CT55: variants seen among roughly 807,000 people sequenced by gnomAD.
CT55 encodes the protein cancer/testis antigen 55.
CT55 carries 1 observed loss-of-function variant against 12.6 expected under a neutral mutation model. The ratio of observed to expected loss-of-function variants is 0.08; its 90% CI spans 0.03 to 0.38. The LOEUF is 0.38. CT55 is among the 10% of genes least tolerant of loss of function. The pLI, the probability that CT55 is intolerant of heterozygous loss-of-function variation, is 0.99. For synonymous variants in CT55, 43 were observed against 49.7 expected, an observed-to-expected ratio of 0.87 and a Z score of 0.57; for missense variants, 109 against 135.4, an observed-to-expected ratio of 0.80 and a Z score of 0.97.
At chrX:135,170,962 G>C in intron 1 of CT55, 116 bp downstream of exon 1, 2 of 1,096,828 alleles carry the variant, frequency 1.8e-6, no homozygotes, top group South Asian at 5.1e-5. Flanking sequence ...GCACAAGATG[G>C]AGCCACCGTC....
At chrX:135,158,887 T>C (rs1556404643) in intron 3 of CT55, among the ~76,000 whole-genome samples, 2 of 112,639 alleles carry the variant, frequency 1.8e-5, no homozygotes, top group Non-Finnish European at 3.7e-5. Context: ...GTAGTAGTGG[T>C]AGCAGTACCG....
At chrX:135,165,856 C>T (rs140269356) in intron 2 of CT55, among the ~76,000 whole-genome samples, 3,789 of 108,398 alleles carry the variant, frequency 0.035, 61 homozygotes, top group African/African-American at 0.045. Context: ...TACAACCTAC[C>T]GAGATGTAAT....
Position 135,171,383 on chromosome X carries a change from G to C in CT55, c.-212C>G. 3.0e-6 allele frequency: 2 copies of C among 676,102 alleles called. No homozygotes were observed. The highest frequency in any genetic ancestry group is 4.1e-6 in the Non-Finnish European group (2 of 484,392). 55.7% of individuals were successfully genotyped at this position (676,102 alleles called of 1,213,427 possible). On this transcript the variant is annotated 5_prime_UTR_variant, in exon 1 of 6. Coordinates refer to ENST00000276241, the MANE Select transcript of CT55 (RefSeq NM_001031705.3). ...CTCCAAAGGAGCTCCCAGCTTCTCC[G>C]CTGACTTCTCCCTCTGAGCATGCGC...
intron 2 of CT55, among the ~76,000 whole-genome samples, chrX:135,161,870 C>T (rs1302254208): frequency 8.9e-6 from 1 of 112,543 alleles, no homozygotes. Flanking sequence ...GCATTAGCCT[C>T]CCATCCACAT....
chrX:135,166,006 T>G (rs1196456888), intron 2 of CT55, among the ~76,000 whole-genome samples: 1 of 39,743 alleles, frequency 2.5e-5, no homozygotes, highest in Non-Finnish European at 4.2e-5. Context: ...TAAAGAAGAA[T>G]AATTAATAGC....
At chrX:135,167,054 T>A (rs1188366118) in intron 2 of CT55, among the ~76,000 whole-genome samples, 1 of 112,048 alleles carries the variant, frequency 8.9e-6, no homozygotes, top group East Asian at 2.8e-4. Context: ...ATGCAACTGC[T>A]ATGAAAATAC....
At position 135,171,286 on chromosome X, in the gene CT55, TCTC is replaced by T. The variant is rs1443155797; in HGVS notation, c.-118_-116del. 1.8e-6 allele frequency: 2 copies of T among 1,120,878 alleles called. No homozygotes were observed. The highest frequency in any genetic ancestry group is 3.6e-5 in the African/African-American group (2 of 55,203). 92.4% of individuals were successfully genotyped at this position (1,120,878 alleles called of 1,213,427 possible). A position where few individuals can be genotyped will look rare whatever the true frequency, so the allele number is the denominator to read the frequency against. On this transcript the variant is annotated 5_prime_UTR_variant, in exon 1 of 6. Coordinates refer to ENST00000276241, the MANE Select transcript of CT55 (RefSeq NM_001031705.3). ...TCTCCTCAGGGACTCACTTCCTGCT[TCTC>T]CTCAGACACTGTGGCATGGGACCCA...
upstream of CT55, among the ~76,000 whole-genome samples, chrX:135,171,728 GT>G (rs782728717): frequency 1.5e-3 from 173 of 111,765 alleles, 1 homozygote; most frequent in African/African-American, 5.4e-3. Context: ...GCGGTCAATA[GT>G]TACTCCTCAC....
In CT55 at chrX:135,166,601, A is replaced by C. The variant is rs782777436; in HGVS notation, c.279+2993T>G. Among the ~76,000 whole-genome samples the C allele has an allele frequency of 3.8e-3, 429 of 112,051 alleles. 1 individual carries two copies. The highest frequency in any genetic ancestry group is 6.3e-3 in the Non-Finnish European group (337 of 53,098). ...TATCGCACATAGTTCTGGAAGTGCT[A>C]ACCAGAGAAATTAGGCAAGAAGAAA... On this transcript the variant is annotated intron_variant, in intron 2 of 5. Coordinates refer to ENST00000276241, the MANE Select transcript of CT55 (RefSeq NM_001031705.3).
At chrX:135,161,208 G>A (rs1370272263) in intron 2 of CT55, among the ~76,000 whole-genome samples, 1 of 111,431 alleles carries the variant, frequency 9.0e-6, no homozygotes, top group Non-Finnish European at 1.9e-5. Flanking sequence ...ATCTACAATA[G>A]AGAGGCATAC....
chrX:135,170,304 G>A (rs1451161492), intron 1 of CT55, among the ~76,000 whole-genome samples: 1 of 112,738 alleles, frequency 8.9e-6, no homozygotes, highest in African/African-American at 3.2e-5. Context: ...ACCGCGCCCA[G>A]CTTACGAATA....
intron 3 of CT55, among the ~76,000 whole-genome samples, chrX:135,160,029 C>A (rs2083555945): frequency 9.0e-6 from 1 of 111,323 alleles, no homozygotes; most frequent in African/African-American, 3.3e-5. Flanking sequence ...ATTTGGTAGT[C>A]TACCTTGTCA....
intron 2 of CT55, among the ~76,000 whole-genome samples, chrX:135,165,636 CTT>C (rs1310349859): frequency 5.4e-5 from 6 of 110,890 alleles, no homozygotes; most frequent in Non-Finnish European, 1.1e-4. Context: ...GAAACAATGA[CTT>C]GGTTTCTTGA....
chrX:135,168,719 G>A (rs2083596932), intron 2 of CT55, among the ~76,000 whole-genome samples: 1 of 111,446 alleles, frequency 9.0e-6, no homozygotes, highest in Admixed American at 9.5e-5. Flanking sequence ...TGGGCCAATT[G>A]TATAGTCACG....
At chrX:135,159,376 T>C (rs1304307597) in intron 3 of CT55, among the ~76,000 whole-genome samples, 2 of 111,697 alleles carry the variant, frequency 1.8e-5, no homozygotes, top group African/African-American at 6.5e-5. Flanking sequence ...CTAACGTGTG[T>C]AAAGCTGAGT....
chrX:135,159,623 A>G (rs1556404778), intron 3 of CT55, among the ~76,000 whole-genome samples: 1 of 111,172 alleles, frequency 9.0e-6, no homozygotes, highest in African/African-American at 3.3e-5. Context: ...TCACATCTCC[A>G]TCATCTCTCA....
chrX:135,162,847 C>T (rs1384995581), intron 2 of CT55, among the ~76,000 whole-genome samples: 1 of 111,566 alleles, frequency 9.0e-6, no homozygotes, highest in African/African-American at 3.3e-5. Flanking sequence ...CCTAGTGATT[C>T]CAGTGGCCTT....
At chrX:135,166,668 C>T (rs2083586605) in intron 2 of CT55, among the ~76,000 whole-genome samples, 1 of 111,536 alleles carries the variant, frequency 9.0e-6, no homozygotes, top group African/African-American at 3.3e-5. Context: ...TAGATTGGCC[C>T]TGTTTGCAGA....
intron 2 of CT55, among the ~76,000 whole-genome samples, chrX:135,162,077 C>T (rs1247676242): frequency 2.7e-5 from 3 of 112,319 alleles, no homozygotes; most frequent in African/African-American, 9.7e-5. Flanking sequence ...CAAATGTTTA[C>T]GATAATGTGT....
Sources: gnomAD v4.1 joint callset for allele counts (sites outside exome capture counted in the v4.1 genomes callset) on GRCh38, gnomAD v4.1.1 for gene constraint, MANE v1.5 for transcripts, NCBI Gene and HGNC (gene_info 2026-07-23, HGNC 2026-07-21) for gene names.